Variants in NPHP4 observed in about 807,000 individuals in gnomAD.
NPHP4 encodes the protein nephrocystin 4.
In NPHP4, 151 loss-of-function variants were observed where a neutral mutation model predicts 155.8. The observed-to-expected ratio is 0.97, with a 90% CI of 0.85 to 1.11. The LOEUF is 1.11. Ranked by LOEUF, NPHP4 falls within the 50% of genes least tolerant of loss-of-function variation. The pLI is 0.00. For synonymous variants in NPHP4, 845 were observed against 816.8 expected, an observed-to-expected ratio of 1.03 and a Z score of -0.59; for missense variants, 1,956 against 1,925.7, an observed-to-expected ratio of 1.02 and a Z score of -0.29.
Position 5,927,654 on chromosome 1 carries a change from G to A in NPHP4, c.1436C>T (p.Pro479Leu). 6.2e-7 allele frequency: 1 copy of A among 1,604,848 alleles called. No homozygotes were observed. The highest frequency in any genetic ancestry group is 1.1e-5 in the South Asian group (1 of 90,710). The change falls in exon 11 of 30, where the codon CCT becomes CTT. Residue 479 changes from proline to leucine, a missense_variant. Coordinates refer to ENST00000378156, the MANE Select transcript of NPHP4 (RefSeq NM_015102.5). ...AGCTCTCTGGAAACACTTACTCGAAGGGGACGTGGGTGGTTTCCTGGAAGG... is the reference window on the plus strand; with the variant it reads ...AGCTCTCTGGAAACACTTACTCGAAAGGGACGTGGGTGGTTTCCTGGAAGG... The part of the protein sequence containing the change: ...RRPSRKPPTS[P>L]SSPPAPVPRV...
chr1:5,955,249 G>A (rs1006029929), intron 6 of NPHP4, among the ~76,000 whole-genome samples: 20 of 152,218 alleles, frequency 1.3e-4, no homozygotes, highest in Admixed American at 1.1e-3. Context: ...TGGTGAGGAC[G>A]TGGAGAAAAG....
intron 15 of NPHP4, 108 bp from the exon 16 acceptor site, chr1:5,904,912 A>G: frequency 8.8e-7 from 1 of 1,136,876 alleles, no homozygotes; most frequent in Non-Finnish European, 1.3e-6. Flanking sequence ...GTCGCTGGGG[A>G]ACAGTAAAGA....
At chr1:5,980,080 C>G (rs577544210) in intron 2 of NPHP4, among the ~76,000 whole-genome samples, 17 of 152,146 alleles carry the variant, frequency 1.1e-4, no homozygotes, top group African/African-American at 3.4e-4. Context: ...TCAGAGACCA[C>G]GACATGACTC....
Position 5,927,771 on chromosome 1 carries a change from G to C in NPHP4, c.1319C>G (p.Ser440Trp). The C allele has an allele frequency of 6.2e-7, 1 of 1,610,912 alleles. No homozygotes were observed. The highest frequency in any genetic ancestry group is 1.7e-5 in the Admixed American group (1 of 59,954). Residue 440 changes from serine to tryptophan, a missense_variant, in exon 11 of 30, where the codon TCG becomes TGG. By Grantham distance (177) the Ser-to-Trp change is radical. Coordinates refer to ENST00000378156, the MANE Select transcript of NPHP4 (RefSeq NM_015102.5). The part of the protein sequence containing the change: ...MSSEEVKQVE[S>W]GTLRFQFSLG... ...CGAGAACTGGAACCGGAGTGTACCC[G>C]ACTCCACCTGCTTCACCTGCAATGG...
In NPHP4 at chr1:5,863,969, T is replaced by G; in HGVS notation, c.4061A>C (p.Asn1354Thr). Residue 1354 changes from asparagine (N) to threonine (T), a missense_variant, in exon 29 of 30, where the codon AAC (asparagine) becomes ACC (threonine). Transcript: ENST00000378156. ...KGVNKRITYTNPYPSRRTFHL... is the reference protein window; with the variant it reads ...KGVNKRITYTTPYPSRRTFHL... ...GAATGTCCTCCGGGAGGGGTAGGGGTTGGTGTAGGTGATCCTCTTGTTGAC... is the reference window on the plus strand; with the variant it reads ...GAATGTCCTCCGGGAGGGGTAGGGGGTGGTGTAGGTGATCCTCTTGTTGAC... 6.2e-7 allele frequency: 1 copy of G among 1,613,492 alleles called. No homozygotes were observed. The highest frequency in any genetic ancestry group is 1.1e-5 in the South Asian group (1 of 91,030).
At chr1:5,938,908 A>G (rs2101823614) in intron 9 of NPHP4, among the ~76,000 whole-genome samples, 1 of 152,382 alleles carries the variant, frequency 6.6e-6, no homozygotes, top group African/African-American at 2.4e-5. Flanking sequence ...AACACCACGC[A>G]TAGGAATGTT....
At chr1:5,956,611 G>C (rs1416360861) in intron 6 of NPHP4, among the ~76,000 whole-genome samples, 1 of 152,318 alleles carries the variant, frequency 6.6e-6, no homozygotes, top group African/African-American at 2.4e-5. Flanking sequence ...AAGTTACTCT[G>C]TGACCTTCGA....
chr1:5,967,512 CCAG>C, intron 4 of NPHP4, 149 bp from the exon 5 acceptor site: 1 of 652,676 alleles, frequency 1.5e-6, no homozygotes, highest in Non-Finnish European at 2.7e-6. Flanking sequence ...GCAGCTGAGG[CCAG>C]CAGCAGCTCC....
chr1:5,891,082 T>G, intron 16 of NPHP4, 54 bp from the exon 17 acceptor site: 1 of 1,335,006 alleles, frequency 7.5e-7, no homozygotes, highest in Non-Finnish European at 1.0e-6. Flanking sequence ...TTCATCATCT[T>G]TACACTTGGA....
At chr1:5,950,689 G>A (rs1207972073) in intron 7 of NPHP4, among the ~76,000 whole-genome samples, 1 of 152,074 alleles carries the variant, frequency 6.6e-6, no homozygotes, top group Non-Finnish European at 1.5e-5. Flanking sequence ...GAGGCCACAG[G>A]AGCCACGCCA....
At chr1:5,865,450 G>A (rs754534507) in intron 26 of NPHP4, 177 bp from the exon 27 acceptor site, 3 of 538,674 alleles carry the variant, frequency 5.6e-6, no homozygotes, top group East Asian at 2.9e-5. Context: ...CGGAGGACCA[G>A]GCCCCAGGAG....
At chr1:5,976,341 G>A (rs1025472490) in intron 3 of NPHP4, among the ~76,000 whole-genome samples, 36 of 152,290 alleles carry the variant, frequency 2.4e-4, no homozygotes, top group African/African-American at 7.7e-4. Context: ...GCCTGGCCAC[G>A]GGAAGCGCCT....
At chr1:5,941,855 A>G (rs912001495) in intron 9 of NPHP4, among the ~76,000 whole-genome samples, 2 of 151,800 alleles carry the variant, frequency 1.3e-5, no homozygotes, top group African/African-American at 2.4e-5. Context: ...GTGAGGAGAC[A>G]GGGGGCCCTG....
chr1:5,905,778 C>T lies in NPHP4; in HGVS notation c.1617G>A (p.Glu539=). ...GSQASPAQAQ[E]FPLEAGISHL... ...GGGAGATACCGGCCTCCAACGGGAA[C>T]TCCTGCTGAACAAAACGAGGGCTTC... is the stretch of plus-strand genomic sequence containing the variant. The change falls in exon 14 of 30, where the codon GAG becomes GAA. Residue 539 remains glutamate (E), a synonymous_variant. Transcript: ENST00000378156. The surrounding 1 kb of genome is among the most constrained non-coding windows in gnomAD (Gnocchi z 4.0). The T allele has an allele frequency of 6.2e-7, 1 of 1,606,106 alleles. No homozygotes were observed. Among genetic ancestry groups the T allele is most frequent in the Non-Finnish European group, 8.5e-7 (1 of 1,176,140 alleles).
chr1:5,904,943 C>T, intron 15 of NPHP4, 139 bp from the exon 16 acceptor site: 1 of 803,834 alleles, frequency 1.2e-6, no homozygotes. Flanking sequence ...GTCACCAATG[C>T]AACCGCTTTG....
chr1:5,952,564 A>G (rs929857075), intron 7 of NPHP4, 136 bp downstream of exon 7: 1 of 14,528 alleles, frequency 6.9e-5, no homozygotes, highest in Non-Finnish European at 1.5e-4. Flanking sequence ...CCCCTGCCCC[A>G]CCCACCCCTA....
At chr1:5,877,054 T>A in intron 20 of NPHP4, 39 bp downstream of exon 20, 2 of 1,319,046 alleles carry the variant, frequency 1.5e-6, no homozygotes, top group South Asian at 4.3e-5. Flanking sequence ...TCAGTCTGCA[T>A]GGAGATCCCA....
In NPHP4 at chr1:5,890,955, G is replaced by A. The variant is rs776405856; in HGVS notation, c.2217C>T (p.Ala739=). ...FLKPGERRCF[A]RYLAVQTLQI... is the part of the protein sequence containing the mutation. Reference sequence around the variant, plus strand: ...GCAGGGTCTGCACGGCCAGGTAGCGGGCAAAGCAGCGCCGCTCACCTGGCT... The same window carrying A: ...GCAGGGTCTGCACGGCCAGGTAGCGAGCAAAGCAGCGCCGCTCACCTGGCT... Residue 739 remains alanine, a synonymous_variant, in exon 17 of 30, where the codon GCC becomes GCT. Transcript: ENST00000378156. This position sits in a 1 kb window ranked among gnomAD's most constrained non-coding sequence, Gnocchi z 4.9. 10 of 1,603,376 alleles carry A rather than the reference G, an allele frequency of 6.2e-6. No homozygotes were observed. Among genetic ancestry groups the A allele is most frequent in the Non-Finnish European group, 8.5e-6 (10 of 1,172,782 alleles).
chr1:5,866,943 G>C, intron 25 of NPHP4, 87 bp downstream of exon 25: 3 of 985,544 alleles, frequency 3.0e-6, no homozygotes, highest in Non-Finnish European at 4.8e-6. Flanking sequence ...AAAATGAAGA[G>C]GATCCCAGGA....
Sources: gnomAD v4.1 joint callset for allele counts (sites outside exome capture counted in the v4.1 genomes callset) on GRCh38, gnomAD v4.1.1 for gene constraint, Gnocchi (gnomAD v3.1) non-coding constraint, MANE v1.5 for transcripts, NCBI Gene and HGNC (gene_info 2026-07-23, HGNC 2026-07-21) for gene names.